BNC2: variants seen among roughly 807,000 people sequenced by gnomAD.
BNC2 encodes zinc finger protein basonuclin-2.
In BNC2, 20 loss-of-function variants were observed where a neutral mutation model predicts 76.3. The ratio of observed to expected loss-of-function variants is 0.26; its 90% CI spans 0.18 to 0.38. BNC2 has a LOEUF of 0.38. Among genes scored for constraint, BNC2 ranks in the 10% least tolerant of loss-of-function variants. The pLI, the probability that BNC2 is intolerant of heterozygous loss-of-function variation, is 1.00. For synonymous variants in BNC2, 582 were observed against 514.8 expected, an observed-to-expected ratio of 1.13 and a Z score of -1.77; for missense variants, 1,382 against 1,399.8, an observed-to-expected ratio of 0.99 and a Z score of 0.20.
intron 6 of BNC2, among the ~76,000 whole-genome samples, chr9:16,429,122 T>A (rs571586815): frequency 6.6e-6 from 1 of 152,150 alleles, no homozygotes; most frequent in Non-Finnish European, 1.5e-5. Flanking sequence ...GGGAGTCTTA[T>A]GGCAAGCACA....
At position 16,770,580 on chromosome 9, in the gene BNC2, T is replaced by C. The variant is rs187047043; in HGVS notation, c.4-32095A>G. ...TGGTAACCAATCACCCAGGGGCTGT[T>C]TCACCTGAGAAGTTCTACATCTAAC... On this transcript the variant is annotated intron_variant, in intron 1 of 6. Transcript: ENST00000380672. Among the ~76,000 whole-genome samples, 298 of 152,250 alleles carry C rather than the reference T, an allele frequency of 2.0e-3. 1 individual carries two copies. Among genetic ancestry groups the C allele is most frequent in the African/African-American group, 7.0e-3 (289 of 41,558 alleles).
At chr9:16,802,315 C>A (rs1734579994) in intron 1 of BNC2, among the ~76,000 whole-genome samples, 1 of 152,230 alleles carries the variant, frequency 6.6e-6, no homozygotes, top group Non-Finnish European at 1.5e-5. Flanking sequence ...CAACAGTCCA[C>A]TGCAGTGTCT....
In BNC2 at chr9:16,463,523, C is replaced by G. The variant is rs888975851; in HGVS notation, c.670-25999G>C. Among the ~76,000 whole-genome samples, 9 of 143,156 alleles carry G rather than the reference C, an allele frequency of 6.3e-5. 1 individual carries two copies. Among genetic ancestry groups the G allele is most frequent in the African/African-American group, 2.7e-4 (9 of 33,660 alleles). 93.9% of individuals were successfully genotyped at this position (143,156 alleles called of 152,430 possible). On this transcript the variant is annotated intron_variant, in intron 5 of 6. Coordinates refer to ENST00000380672, the MANE Select transcript of BNC2 (RefSeq NM_017637.6). ...GTTTTAGCCAGGATGGTCTCAATCT[C>G]CTGACCTCGTGATCCGCCCGCCTCG...
At chr9:16,739,195 C>T (rs1824767726) in intron 1 of BNC2, among the ~76,000 whole-genome samples, 1 of 152,064 alleles carries the variant, frequency 6.6e-6, no homozygotes, top group South Asian at 2.1e-4. Context: ...AAAGTAAGGG[C>T]CCTATACTCC....
intron 5 of BNC2, among the ~76,000 whole-genome samples, chr9:16,443,927 A>G (rs112125999): frequency 3.9e-5 from 6 of 152,318 alleles, no homozygotes; most frequent in African/African-American, 1.2e-4. Flanking sequence ...GGCCACATAG[A>G]TTGTACACTT....
chr9:16,735,644 G>A (rs1424955202), intron 2 of BNC2, among the ~76,000 whole-genome samples: 4 of 151,780 alleles, frequency 2.6e-5, no homozygotes, highest in Non-Finnish European at 5.9e-5. Flanking sequence ...TTACAGGCGT[G>A]TGCCATCACC....
chr9:16,576,000 G>A (rs1241128674), intron 4 of BNC2, among the ~76,000 whole-genome samples: 2 of 152,178 alleles, frequency 1.3e-5, no homozygotes, highest in Non-Finnish European at 2.9e-5. Flanking sequence ...GGAAGAAGAC[G>A]ATAGTGTTTC....
intron 3 of BNC2, among the ~76,000 whole-genome samples, chr9:16,644,669 G>C (rs1456631755): frequency 1.3e-5 from 2 of 152,148 alleles, no homozygotes; most frequent in Non-Finnish European, 2.9e-5. Context: ...AGTGGCATAA[G>C]ACAGTTAACA....
intron 1 of BNC2, among the ~76,000 whole-genome samples, chr9:16,772,015 C>CT (rs1825845791): frequency 1.3e-5 from 2 of 152,116 alleles, no homozygotes; most frequent in South Asian, 4.1e-4. Context: ...TGAATAATAA[C>CT]TAATATGTCT....
chr9:16,565,767 C>G (rs980500694), intron 4 of BNC2, among the ~76,000 whole-genome samples: 34 of 150,884 alleles, frequency 2.3e-4, no homozygotes, highest in African/African-American at 7.6e-4. Flanking sequence ...AAGATTGCGC[C>G]ACTGCACTCC....
intron 5 of BNC2, among the ~76,000 whole-genome samples, chr9:16,452,692 G>A (rs1821368423): frequency 6.6e-6 from 1 of 152,172 alleles, no homozygotes; most frequent in Admixed American, 6.5e-5. Flanking sequence ...TCACAGGTGT[G>A]AGCCACCACG....
chr9:16,711,076 C>A (rs34852279), intron 3 of BNC2, among the ~76,000 whole-genome samples: 5 of 152,032 alleles, frequency 3.3e-5, no homozygotes, highest in African/African-American at 9.7e-5. Flanking sequence ...CTACGTGACA[C>A]GATTTGAGCA....
intron 3 of BNC2, among the ~76,000 whole-genome samples, chr9:16,676,557 T>C (rs1192246185): frequency 1.3e-5 from 2 of 152,262 alleles, no homozygotes; most frequent in Non-Finnish European, 2.9e-5. Flanking sequence ...GGTAACATTC[T>C]CTCACAGAAA....
intron 1 of BNC2, among the ~76,000 whole-genome samples, chr9:16,775,185 C>A (rs1825931476): frequency 6.6e-6 from 1 of 152,130 alleles, no homozygotes; most frequent in Admixed American, 6.5e-5. Context: ...TGTGATTACA[C>A]AAGACAAGCA....
At chr9:16,575,449 G>A (rs1187230623) in intron 4 of BNC2, 1 of 985,194 alleles carries the variant, frequency 1.0e-6, no homozygotes, top group Admixed American at 6.2e-5. Flanking sequence ...TAGGCAGACA[G>A]CCCAGGACTT....
Position 16,500,433 on chromosome 9 carries a change from A to AT in BNC2, c.669+52096dup, listed in dbSNP as rs766100395. ...TGAAAGCTGATAGCAAGAACAAACA[A>AT]TTTTTTTCTTTGATTTTCTAAGGGT... On this transcript the variant is annotated intron_variant, in intron 5 of 6. Transcript: ENST00000380672. Among the ~76,000 whole-genome samples the AT allele has an allele frequency of 5.3e-5, 8 of 152,212 alleles. No individual in the cohort carries two copies. In the East Asian group the frequency reaches 1.4e-3, roughly 26 times the overall value.
intron 1 of BNC2, among the ~76,000 whole-genome samples, chr9:16,773,411 C>A (rs1825880046): frequency 6.6e-6 from 1 of 151,766 alleles, no homozygotes. Flanking sequence ...TTACATGGAA[C>A]ACTTCAGGCA....
At chr9:16,480,169 A>C (rs1204185498) in intron 5 of BNC2, among the ~76,000 whole-genome samples, 7 of 152,226 alleles carry the variant, frequency 4.6e-5, no homozygotes. Context: ...GGGCATAAAG[A>C]GTCAAAGACC....
intron 1 of BNC2, among the ~76,000 whole-genome samples, chr9:16,835,018 AGC>A (rs1818668986): frequency 1.3e-5 from 2 of 152,228 alleles, no homozygotes; most frequent in Non-Finnish European, 2.9e-5. Flanking sequence ...AAGTCTAGTC[AGC>A]GAGTTTCATT....
Sources: gnomAD v4.1 joint callset for allele counts (sites outside exome capture counted in the v4.1 genomes callset) on GRCh38, gnomAD v4.1.1 for gene constraint, MANE v1.5 for transcripts, NCBI Gene and HGNC (gene_info 2026-07-23, HGNC 2026-07-21) for gene names.